The following IQCM variants were observed in gnomAD, a reference collection of about 807,000 sequenced individuals.
IQCM encodes the protein IQ domain-containing protein M.
IQCM carries 45 observed loss-of-function variants against 57.6 expected under a neutral mutation model. That is an observed-to-expected ratio of 0.78 (90% CI 0.62 to 1.00). The LOEUF (loss-of-function observed/expected upper bound fraction) is 1.00, where lower values mean the gene tolerates loss of function less well. Among genes scored for constraint, IQCM ranks in the 50% least tolerant of loss-of-function variants. IQCM has a pLI of 0.00. For synonymous variants in IQCM, 148 were observed against 158.9 expected, an observed-to-expected ratio of 0.93 and a Z score of 0.51; for missense variants, 468 against 511.6, an observed-to-expected ratio of 0.91 and a Z score of 0.82.
At chr4:149,526,908 A>C (rs564359516) in intron 12 of IQCM, among the ~76,000 whole-genome samples, 1 of 152,234 alleles carries the variant, frequency 6.6e-6, no homozygotes, top group Non-Finnish European at 1.5e-5. Flanking sequence ...ATTTATTACA[A>C]AAATTTTTAA....
intron 7 of IQCM, among the ~76,000 whole-genome samples, chr4:149,638,980 C>A (rs1423758909): frequency 6.6e-6 from 1 of 151,900 alleles, no homozygotes; most frequent in Non-Finnish European, 1.5e-5. Flanking sequence ...AAACTCAGAT[C>A]AGCATTTACT....
At chr4:149,618,198 C>T (rs1755968589) in intron 8 of IQCM, among the ~76,000 whole-genome samples, 1 of 152,076 alleles carries the variant, frequency 6.6e-6, no homozygotes, top group Non-Finnish European at 1.5e-5. Flanking sequence ...AATAAAGTCA[C>T]ATTATTACAA....
At chr4:149,352,597 G>C (rs764191194) in intron 13 of IQCM, among the ~76,000 whole-genome samples, 9 of 152,150 alleles carry the variant, frequency 5.9e-5, no homozygotes, top group Admixed American at 4.6e-4. Context: ...AGCATCTGTG[G>C]ATTCTCATAT....
At chr4:149,709,625 A>G (rs1301491407) in intron 5 of IQCM, among the ~76,000 whole-genome samples, 1 of 152,142 alleles carries the variant, frequency 6.6e-6, no homozygotes, top group Non-Finnish European at 1.5e-5. Flanking sequence ...AAGATATTTC[A>G]GCAGGAGAAC....
chr4:149,456,442 T>A (rs1038732373), intron 12 of IQCM, among the ~76,000 whole-genome samples: 1 of 152,114 alleles, frequency 6.6e-6, no homozygotes, highest in Non-Finnish European at 1.5e-5. Context: ...AGTCTAAACA[T>A]GAAATTCATT....
At chr4:149,529,976 C>T (rs897324516) in intron 12 of IQCM, among the ~76,000 whole-genome samples, 4 of 152,152 alleles carry the variant, frequency 2.6e-5, no homozygotes, top group Non-Finnish European at 5.9e-5. Flanking sequence ...TGCCTTGATC[C>T]ATCTGTTCCA....
At chr4:149,773,122 C>T (rs566466083) in intron 2 of IQCM, among the ~76,000 whole-genome samples, 2 of 152,238 alleles carry the variant, frequency 1.3e-5, no homozygotes, top group South Asian at 2.1e-4. Flanking sequence ...GAGGCCGAGG[C>T]GGGTGGATCA....
At chr4:149,703,465 CA>C (rs754370017) in intron 5 of IQCM, among the ~76,000 whole-genome samples, 5 of 151,458 alleles carry the variant, frequency 3.3e-5, no homozygotes, top group East Asian at 1.9e-4. Context: ...TCATAACTTT[CA>C]AAAAAAATGG....
rs185182491 is a variant in IQCM, at chr4:149,663,318, A to G, written c.565+18800T>C. The stretch of plus-strand genomic sequence containing the variant: ...TTTAAACTTTTATACTAGAACAACG[A>G]AAGATTTAGATTGCACCATTAGAGC... On this transcript the variant is annotated intron_variant, in intron 7 of 13. Transcript: ENST00000636793. 2.6e-3 allele frequency among the ~76,000 whole-genome samples: 393 copies of G among 152,066 alleles called. 4 individuals are homozygous for G. Among genetic ancestry groups the G allele is most frequent in the Non-Finnish European group, 3.9e-3 (267 of 67,924 alleles).
chr4:149,764,615 G>A (rs1208646769), intron 2 of IQCM, among the ~76,000 whole-genome samples: 1 of 152,072 alleles, frequency 6.6e-6, no homozygotes, highest in Admixed American at 6.6e-5. Context: ...AACAAATGTT[G>A]AATGCCTTTT....
chr4:149,584,442 A>G (rs571226964), intron 9 of IQCM, among the ~76,000 whole-genome samples: 2 of 151,854 alleles, frequency 1.3e-5, no homozygotes, highest in East Asian at 3.9e-4. Flanking sequence ...ATGAATACTT[A>G]TATAGCAGAA....
chr4:149,760,162 G>A (rs1364132237), intron 2 of IQCM, among the ~76,000 whole-genome samples: 2 of 151,906 alleles, frequency 1.3e-5, no homozygotes, highest in Non-Finnish European at 2.9e-5. Flanking sequence ...CAGCAAGGAA[G>A]GCCCAAACAT....
chr4:149,506,135 C>G (rs1743788754), intron 12 of IQCM, among the ~76,000 whole-genome samples: 1 of 152,164 alleles, frequency 6.6e-6, no homozygotes. Flanking sequence ...GCTGCCCTCT[C>G]ACCTATCAAG....
At chr4:149,372,900 C>A (rs1347067073) in intron 13 of IQCM, among the ~76,000 whole-genome samples, 1 of 152,020 alleles carries the variant, frequency 6.6e-6, no homozygotes, top group African/African-American at 2.4e-5. Context: ...TCCACTATAC[C>A]ATATCTGAAT....
chr4:149,723,918 C>CTT (rs34950462), intron 5 of IQCM, among the ~76,000 whole-genome samples: 29 of 147,560 alleles, frequency 2.0e-4, no homozygotes, highest in African/African-American at 6.0e-4. Flanking sequence ...TGGGCCTGTG[C>CTT]TTTTTTTTTT....
intron 7 of IQCM, among the ~76,000 whole-genome samples, chr4:149,641,207 A>C (rs1758160882): frequency 1.3e-5 from 2 of 152,210 alleles, no homozygotes; most frequent in African/African-American, 4.8e-5. Context: ...AAAATAGAAA[A>C]GAATTATAAC....
At chr4:149,405,126 G>T (rs931248057) in intron 13 of IQCM, among the ~76,000 whole-genome samples, 1 of 151,698 alleles carries the variant, frequency 6.6e-6, no homozygotes, top group East Asian at 1.9e-4. Flanking sequence ...AGAAAAATTA[G>T]GCCAAAAAAG....
At chr4:149,688,263 C>T (rs1762690540) in intron 5 of IQCM, among the ~76,000 whole-genome samples, 1 of 151,952 alleles carries the variant, frequency 6.6e-6, no homozygotes, top group Non-Finnish European at 1.5e-5. Context: ...TTTCCAGATA[C>T]AAGATTAATG....
At chr4:149,660,576 C>T in intron 7 of IQCM, among the ~76,000 whole-genome samples, 1 of 152,170 alleles carries the variant, frequency 6.6e-6, no homozygotes, top group East Asian at 1.9e-4. Context: ...AGTCTTGGAA[C>T]CAACCCAAAT....
Sources: gnomAD v4.1 joint callset for allele counts (sites outside exome capture counted in the v4.1 genomes callset) on GRCh38, gnomAD v4.1.1 for gene constraint, MANE v1.5 for transcripts, NCBI Gene and HGNC (gene_info 2026-07-23, HGNC 2026-07-21) for gene names.